The following FBXL14 variants were observed in gnomAD, a reference collection of about 807,000 sequenced individuals.
The protein encoded by FBXL14 is F-box and leucine rich repeat protein 14.
FBXL14 carries 11 observed loss-of-function variants against 24.5 expected under a neutral mutation model. The ratio of observed to expected loss-of-function variants is 0.45; its 90% CI spans 0.28 to 0.74. FBXL14 has a LOEUF of 0.74. FBXL14 is among the 30% of genes least tolerant of loss of function. FBXL14 has a pLI of 0.12. For synonymous variants in FBXL14, 294 were observed against 240.4 expected (o/e 1.22, Z -2.06); for missense variants, 384 against 545.6 (o/e 0.70, Z 2.95).
chr12:1,571,358 G>A lies in FBXL14; in HGVS notation c.1195-4548C>T, dbSNP rs181131656. On this transcript the variant is annotated intron_variant, in intron 1 of 1. Coordinates refer to ENST00000339235, the MANE Select transcript of FBXL14 (RefSeq NM_152441.3). ...CGAGTGGCTGGGATTACAGGCATGC[G>A]CCACCACACCCGGCTAATTTTGTAT... Among the ~76,000 whole-genome samples, 11 of 152,156 alleles carry A rather than the reference G, an allele frequency of 7.2e-5. No homozygotes were observed. The East Asian group carries it at 2.1e-3, about 29-fold the overall frequency.
chr12:1,575,786 G>A (rs2094454746), intron 1 of FBXL14, among the ~76,000 whole-genome samples: 1 of 152,172 alleles, frequency 6.6e-6, no homozygotes. Context: ...TTGAGGAAGC[G>A]TCATGAGAGG....
At chr12:1,590,600 T>G (rs181821490) in intron 1 of FBXL14, among the ~76,000 whole-genome samples, 133 of 152,298 alleles carry the variant, frequency 8.7e-4, no homozygotes, top group African/African-American at 3.0e-3. Flanking sequence ...AATTCTGGTA[T>G]TTCATTAATC....
chr12:1,578,730 A>G (rs1427072227), intron 1 of FBXL14, among the ~76,000 whole-genome samples: 2 of 152,154 alleles, frequency 1.3e-5, no homozygotes, highest in Non-Finnish European at 2.9e-5. Flanking sequence ...TAAAATAACG[A>G]TGATAAGCAA....
At chr12:1,588,117 C>T (rs1057146130) in intron 1 of FBXL14, among the ~76,000 whole-genome samples, 2 of 152,196 alleles carry the variant, frequency 1.3e-5, no homozygotes, top group African/African-American at 4.8e-5. Context: ...AGACAGTTGT[C>T]AGAAGCTGCA....
At chr12:1,583,833 C>T (rs1443928008) in intron 1 of FBXL14, among the ~76,000 whole-genome samples, 3 of 152,170 alleles carry the variant, frequency 2.0e-5, no homozygotes, top group Non-Finnish European at 4.4e-5. Flanking sequence ...AACACAAGGT[C>T]GGACTCCTAG....
Position 1,566,557 on chromosome 12 carries a change from C to A in FBXL14, c.*191G>T. 1.8e-6 allele frequency: 1 copy of A among 552,820 alleles called. No homozygotes were observed. The highest frequency in any genetic ancestry group is 3.0e-5 in the East Asian group (1 of 33,324). The allele number at this position is 552,820 out of a possible 1,614,324, so 34.2% of individuals were successfully genotyped here. A position where few individuals can be genotyped will look rare whatever the true frequency, so the allele number is the denominator to read the frequency against. On this transcript the variant is annotated 3_prime_UTR_variant, in exon 2 of 2. Coordinates refer to ENST00000339235, the MANE Select transcript of FBXL14 (RefSeq NM_152441.3). The stretch of plus-strand genomic sequence containing the variant: ...GAGGTCTCAGAGCAAACCACTGTCC[C>A]CAGAACTGGAGAAACCGGCAGGAGA...
rs1200607603 is a variant in FBXL14 at position 1,567,344 on chromosome 12, T to C, written c.1195-534A>G. On this transcript the variant is annotated intron_variant, in intron 1 of 1. Transcript: ENST00000339235. The surrounding 1 kb of genome is among the most constrained non-coding windows in gnomAD (Gnocchi z 4.8). ...AAAGGAAAAGAAAGAAAAGAAAAAT[T>C]AGCTGGGCGTGGTGGCAAGCACCTG... Among the ~76,000 whole-genome samples the C allele has an allele frequency of 2.6e-5, 4 of 151,716 alleles. No homozygotes were observed. The highest frequency in any genetic ancestry group is 4.8e-5 in the African/African-American group (2 of 41,268).
chr12:1,576,250 C>G (rs868647956), intron 1 of FBXL14, among the ~76,000 whole-genome samples: 1 of 152,100 alleles, frequency 6.6e-6, no homozygotes, highest in Non-Finnish European at 1.5e-5. Context: ...CAGACTAAAC[C>G]GACCAGAGCA....
Position 1,569,154 on chromosome 12 carries a change from A to T in FBXL14, c.1195-2344T>A, listed in dbSNP as rs2094441002. 6.6e-6 allele frequency among the ~76,000 whole-genome samples: 1 copy of T among 152,238 alleles called. No homozygotes were observed. Among genetic ancestry groups the T allele is most frequent in the Admixed American group, 6.5e-5 (1 of 15,278 alleles). On this transcript the variant is annotated intron_variant, in intron 1 of 1. Transcript: ENST00000339235. The surrounding 1 kb of genome is among the most constrained non-coding windows in gnomAD (Gnocchi z 4.2). ...TTTATCTCTGTACATGCAAATTTAT[A>T]TAATCAATGCTTGTTTTGCTTCTCT...
intron 1 of FBXL14, among the ~76,000 whole-genome samples, chr12:1,570,945 G>C (rs1325429659): frequency 6.6e-6 from 1 of 152,172 alleles, no homozygotes; most frequent in Non-Finnish European, 1.5e-5. Context: ...CTTGTCTGCT[G>C]CTCCTCCAGA....
intron 1 of FBXL14, among the ~76,000 whole-genome samples, chr12:1,580,804 A>G (rs975934987): frequency 1.3e-5 from 2 of 152,180 alleles, no homozygotes; most frequent in African/African-American, 2.4e-5. Context: ...GATTAGCATT[A>G]GCGGGCTTGC....
chr12:1,594,156 A>AGCCGCCGCCGCC lies in FBXL14; in HGVS notation c.-102_-91dup, dbSNP rs544992054. On this transcript the variant is annotated 5_prime_UTR_variant, in exon 1 of 2. Transcript: ENST00000339235. Reference sequence around the variant, plus strand: ...GCAGGCGACGAGAGCGCTTCTCCCCAGCCGCCGCCGCCGCCGCCGCCGCCG... The same window carrying AGCCGCCGCCGCC: ...GCAGGCGACGAGAGCGCTTCTCCCCAGCCGCCGCCGCCGCCGCCGCCGCCGCCGCCGCCGCCG... 9,800 of 555,362 alleles carry AGCCGCCGCCGCC rather than the reference A, an allele frequency of 0.018. 238 individuals are homozygous for AGCCGCCGCCGCC. The highest frequency in any genetic ancestry group is 0.067 in the Admixed American group (1,352 of 20,156). 34.4% of individuals were successfully genotyped at this position (555,362 alleles called of 1,614,324 possible).
rs1267750791 is a variant in FBXL14 at position 1,569,552 on chromosome 12, C to T, written c.1195-2742G>A. On this transcript the variant is annotated intron_variant, in intron 1 of 1. Transcript: ENST00000339235. The surrounding 1 kb of genome is among the most constrained non-coding windows in gnomAD (Gnocchi z 4.2). Reference sequence around the variant, plus strand: ...AGTAGCTGGGATTACAGGCGCCCGCCACCACGCCCGGCTAATTTTTTGTGT... The same window carrying T: ...AGTAGCTGGGATTACAGGCGCCCGCTACCACGCCCGGCTAATTTTTTGTGT... 6.6e-6 allele frequency among the ~76,000 whole-genome samples: 1 copy of T among 152,194 alleles called. No individual in the cohort carries two copies. Among genetic ancestry groups the T allele is most frequent in the Non-Finnish European group, 1.5e-5 (1 of 68,022 alleles).
Position 1,593,966 on chromosome 12 carries a change from G to A in FBXL14, c.101C>T (p.Ala34Val). The change falls in exon 1 of 2, where the codon GCC (alanine) becomes GTC (valine). Residue 34 changes from alanine (A) to valine (V), a missense_variant. Physicochemically the swap from Ala to Val is moderately conservative, Grantham distance 64 (BLOSUM62 0). Transcript: ENST00000339235. This position sits in a 1 kb window ranked among gnomAD's most constrained non-coding sequence, Gnocchi z 7.4. ...CTTGTGGTAGGCGGCGTCCCGCCAG[G>A]CGGTGCACACCTGCGCCGCGCGCCC... is the stretch of plus-strand genomic sequence containing the variant. ...DKGRAAQVCTAWRDAAYHKSV... is the reference protein window; with the variant it reads ...DKGRAAQVCTVWRDAAYHKSV... 1 of 1,590,284 alleles carries A rather than the reference G, an allele frequency of 6.3e-7. No homozygotes were observed. The highest frequency in any genetic ancestry group is 8.5e-7 in the Non-Finnish European group (1 of 1,176,184).
chr12:1,590,936 G>A (rs577845955), intron 1 of FBXL14, among the ~76,000 whole-genome samples: 10 of 151,936 alleles, frequency 6.6e-5, no homozygotes, highest in East Asian at 3.9e-4. Flanking sequence ...CCACTCTCAG[G>A]GTAAAAAAAA....
chr12:1,591,573 A>G (rs1055414100), intron 1 of FBXL14, among the ~76,000 whole-genome samples: 10 of 152,240 alleles, frequency 6.6e-5, no homozygotes, highest in African/African-American at 2.4e-4. Flanking sequence ...ACAAAAATCC[A>G]ACGAAAATAT....
chr12:1,594,187 G>GCCGCCGCC lies in FBXL14; in HGVS notation c.-122_-121insGGCGGCGG. 1 of 454,104 alleles carries GCCGCCGCC rather than the reference G, an allele frequency of 2.2e-6. No individual in the cohort carries two copies. The highest frequency in any genetic ancestry group is 3.0e-6 in the Non-Finnish European group (1 of 331,914). The allele number at this position is 454,104 out of a possible 1,614,324, so 28.1% of individuals were successfully genotyped here. A position where few individuals can be genotyped will look rare whatever the true frequency, so the allele number is the denominator to read the frequency against. ...CGCCGCCGCCGCCGCCGCCGCCTCG[G>GCCGCCGCC]GCCCAACGGCCGGCCCCTCCCCGCC... is the stretch of plus-strand genomic sequence containing the variant. On this transcript the variant is annotated 5_prime_UTR_variant, in exon 1 of 2. Coordinates refer to ENST00000339235, the MANE Select transcript of FBXL14 (RefSeq NM_152441.3).
intron 1 of FBXL14, among the ~76,000 whole-genome samples, chr12:1,590,958 T>C (rs1000163375): frequency 2.6e-5 from 4 of 152,206 alleles, no homozygotes; most frequent in African/African-American, 9.6e-5. Context: ...CCATCTTTCT[T>C]GCCCACGTCG....
intron 1 of FBXL14, among the ~76,000 whole-genome samples, chr12:1,573,273 A>G (rs1203622119): frequency 6.6e-6 from 1 of 152,168 alleles, no homozygotes; most frequent in African/African-American, 2.4e-5. Flanking sequence ...TGACCCCTAG[A>G]CCAGGTCAGG....
Sources: gnomAD v4.1 joint callset for allele counts (sites outside exome capture counted in the v4.1 genomes callset) on GRCh38, gnomAD v4.1.1 for gene constraint, Gnocchi (gnomAD v3.1) non-coding constraint, MANE v1.5 for transcripts, NCBI Gene and HGNC (gene_info 2026-07-23, HGNC 2026-07-21) for gene names.